MGAT4C: variants seen among roughly 807,000 people sequenced by gnomAD.
The protein encoded by MGAT4C is MGAT4 family member C.
Under a neutral mutation model 40.1 loss-of-function variants are expected in MGAT4C, and 19 were observed. The ratio of observed to expected loss-of-function variants is 0.47; its 90% CI spans 0.33 to 0.70. The LOEUF is 0.70. MGAT4C is among the 30% of genes least tolerant of loss of function. The pLI is 0.02. For missense variants in MGAT4C, 491 were observed against 563.2 expected (o/e 0.87, Z 1.30); for synonymous variants, 181 against 187.1 (o/e 0.97, Z 0.27).
At position 86,536,598 on chromosome 12, in the gene MGAT4C, T is replaced by C. The variant is rs149677880; in HGVS notation, c.-228-101333A>G. ...CTTTAAGCATTCAGGTAGTAAAAAATGGTTATCAATAGAGAAACAAAAATT... is the reference window on the plus strand; with the variant it reads ...CTTTAAGCATTCAGGTAGTAAAAAACGGTTATCAATAGAGAAACAAAAATT... On this transcript the variant is annotated intron_variant, in intron 2 of 7. Transcript: ENST00000548651. Among the ~76,000 whole-genome samples the C allele has an allele frequency of 2.6e-4, 40 of 152,240 alleles. No individual in the cohort carries two copies. The East Asian group carries it at 7.4e-3, about 28-fold the overall frequency.
intron 2 of MGAT4C, among the ~76,000 whole-genome samples, chr12:86,508,100 C>A (rs1254963558): frequency 1.3e-5 from 2 of 151,898 alleles, no homozygotes; most frequent in African/African-American, 4.8e-5. Flanking sequence ...GGTACATGTG[C>A]ACAATGTGCA....
chr12:86,215,053 C>A (rs1950616469), intron 1 of MGAT4C, among the ~76,000 whole-genome samples: 1 of 152,114 alleles, frequency 6.6e-6, no homozygotes, highest in Non-Finnish European at 1.5e-5. Flanking sequence ...CCTGGAAAAA[C>A]CCCACACTAG....
At chr12:86,336,320 A>G (rs573998770) in intron 3 of MGAT4C, among the ~76,000 whole-genome samples, 2 of 152,294 alleles carry the variant, frequency 1.3e-5, no homozygotes, top group South Asian at 2.1e-4. Context: ...GTTCAGTTCA[A>G]TATCTCCCCT....
At chr12:86,247,957 A>G (rs1233630318) in intron 1 of MGAT4C, among the ~76,000 whole-genome samples, 2 of 151,978 alleles carry the variant, frequency 1.3e-5, no homozygotes, top group South Asian at 2.1e-4. Context: ...TTCTACCCTC[A>G]GCACCATCTT....
At chr12:86,053,676 G>A (rs1016458338) in intron 1 of MGAT4C, among the ~76,000 whole-genome samples, 11 of 151,916 alleles carry the variant, frequency 7.2e-5, no homozygotes, top group African/African-American at 2.4e-4. Flanking sequence ...AATTGTAACC[G>A]TGTATCTCCT....
chr12:86,137,877 T>C (rs893249474), intron 1 of MGAT4C, among the ~76,000 whole-genome samples: 1 of 152,146 alleles, frequency 6.6e-6, no homozygotes, highest in Non-Finnish European at 1.5e-5. Context: ...GCAAATACCC[T>C]ATGAGAGTAT....
intron 1 of MGAT4C, among the ~76,000 whole-genome samples, chr12:86,164,481 C>T (rs182021906): frequency 2.0e-5 from 3 of 152,248 alleles, no homozygotes; most frequent in South Asian, 2.1e-4. Context: ...AGCAATAACA[C>T]GTACATAAGA....
chr12:86,777,428 T>G (rs1007587303), intron 1 of MGAT4C, among the ~76,000 whole-genome samples: 1 of 152,302 alleles, frequency 6.6e-6, no homozygotes, highest in East Asian at 1.9e-4. Flanking sequence ...TTTATCAGAA[T>G]TGGACTGGTT....
At chr12:86,230,494 A>C (rs1951269939) in intron 1 of MGAT4C, among the ~76,000 whole-genome samples, 1 of 152,184 alleles carries the variant, frequency 6.6e-6, no homozygotes, top group Non-Finnish European at 1.5e-5. Context: ...CACTTAAATT[A>C]CAGTGTTTGT....
At chr12:86,822,187 T>C (rs985248269) in intron 1 of MGAT4C, among the ~76,000 whole-genome samples, 1 of 150,722 alleles carries the variant, frequency 6.6e-6, no homozygotes, top group Non-Finnish European at 1.5e-5. Context: ...AAGAAAAAAA[T>C]ACATATACCT....
chr12:86,516,759 C>A (rs960229224), intron 2 of MGAT4C, among the ~76,000 whole-genome samples: 19 of 152,082 alleles, frequency 1.2e-4, no homozygotes, highest in African/African-American at 4.6e-4. Flanking sequence ...GCAATTTAAT[C>A]AAAAATCACA....
intron 1 of MGAT4C, among the ~76,000 whole-genome samples, chr12:86,782,221 G>T (rs1487171902): frequency 9.0e-6 from 1 of 110,998 alleles, no homozygotes; most frequent in African/African-American, 3.5e-5. Context: ...TCGCTCTGTC[G>T]CCCAGGCTGG....
chr12:86,201,706 A>AT, intron 1 of MGAT4C, among the ~76,000 whole-genome samples: 1 of 151,824 alleles, frequency 6.6e-6, no homozygotes, highest in Non-Finnish European at 1.5e-5. Context: ...GGTTGTTGGG[A>AT]TTTTTTATTG....
chr12:86,052,501 A>G (rs1892987910), intron 1 of MGAT4C, among the ~76,000 whole-genome samples: 1 of 152,022 alleles, frequency 6.6e-6, no homozygotes, highest in Non-Finnish European at 1.5e-5. Context: ...TGTTCTATTA[A>G]ATAATAAGAA....
At chr12:86,586,183 G>C (rs1199218374) in intron 2 of MGAT4C, among the ~76,000 whole-genome samples, 3 of 138,290 alleles carry the variant, frequency 2.2e-5, no homozygotes, top group African/African-American at 8.1e-5. Flanking sequence ...TCCCACCTAT[G>C]AGTGAGAATA....
At chr12:86,326,748 T>C (rs897849906) in intron 4 of MGAT4C, among the ~76,000 whole-genome samples, 1 of 152,160 alleles carries the variant, frequency 6.6e-6, no homozygotes, top group African/African-American at 2.4e-5. Context: ...TACCATTTTC[T>C]ATTTCATACA....
intron 1 of MGAT4C, among the ~76,000 whole-genome samples, chr12:86,238,295 C>A (rs1346073142): frequency 1.3e-5 from 2 of 151,834 alleles, no homozygotes; most frequent in East Asian, 1.9e-4. Context: ...AAAGAATAAT[C>A]CATGATAAAA....
chr12:86,356,474 T>C (rs1955313633), intron 3 of MGAT4C, among the ~76,000 whole-genome samples: 1 of 152,030 alleles, frequency 6.6e-6, no homozygotes, highest in South Asian at 2.1e-4. Flanking sequence ...CTGGGGCTTG[T>C]TGGACACTGG....
At chr12:86,703,874 G>A (rs546167415) in intron 2 of MGAT4C, among the ~76,000 whole-genome samples, 4 of 152,096 alleles carry the variant, frequency 2.6e-5, no homozygotes, top group Admixed American at 1.3e-4. Context: ...TTAAATATTC[G>A]GAATCTATCA....
Sources: allele counts gnomAD v4.1 joint callset (sites outside exome capture counted in the v4.1 genomes callset), GRCh38; gene constraint gnomAD v4.1.1; transcripts MANE v1.5; gene names NCBI Gene and HGNC (gene_info 2026-07-23, HGNC 2026-07-21).